Variants in CDK11A observed in about 807,000 individuals in gnomAD.
The protein encoded by CDK11A is cyclin-dependent kinase 11A.
CDK11A carries 55 observed loss-of-function variants against 83.6 expected under a neutral mutation model. The observed-to-expected ratio is 0.66, with a 90% CI of 0.53 to 0.82. CDK11A has a LOEUF of 0.82. Ranked by LOEUF, CDK11A falls within the 40% of genes least tolerant of loss-of-function variation. The pLI is 0.00. For synonymous variants in CDK11A, 247 were observed against 302.7 expected (o/e 0.82, Z 1.91); for missense variants, 564 against 810.1 (o/e 0.70, Z 3.69).
In CDK11A at chr1:1,707,474, C is replaced by A. The variant is rs770045003; in HGVS notation, c.1180G>T (p.Asp394Tyr). The A allele has an allele frequency of 3.1e-6, 5 of 1,607,176 alleles. No individual in the cohort carries two copies. The highest frequency in any genetic ancestry group is 4.3e-6 in the Non-Finnish European group (5 of 1,175,754). The part of the protein sequence containing the change: ...SALTEGDYVP[D>Y]SPALLPIELK... Reference sequence around the variant, plus strand: ...TCGATGGGCAACAGGGCAGGGGAGTCGGGCACATAGTCGCCCTCTGTCAGG... The same window carrying A: ...TCGATGGGCAACAGGGCAGGGGAGTAGGGCACATAGTCGCCCTCTGTCAGG... Residue 394 changes from aspartate to tyrosine, a missense_variant, in exon 11 of 20, where the codon GAC becomes TAC. Transcript: ENST00000404249.
At chr1:1,719,766 G>A (rs1479618302) in intron 3 of CDK11A, among the ~76,000 whole-genome samples, 3 of 149,710 alleles carry the variant, frequency 2.0e-5, no homozygotes, top group Admixed American at 6.7e-5. Flanking sequence ...ACAGGCACCC[G>A]CCACCACACC....
intron 3 of CDK11A, 127 bp downstream of exon 3, chr1:1,721,469 G>A (rs1644904139): frequency 1.9e-6 from 2 of 1,080,346 alleles, no homozygotes; most frequent in African/African-American, 1.6e-5. Context: ...GCCCTGTCAC[G>A]GTAACTCTAG....
chr1:1,714,889 A>G (rs1644580834), intron 5 of CDK11A, among the ~76,000 whole-genome samples: 1 of 148,710 alleles, frequency 6.7e-6, no homozygotes, highest in South Asian at 2.1e-4. Context: ...GCGGGATCAC[A>G]GCTGCTCCCA....
Position 1,704,969 on chromosome 1 carries a change from T to A in CDK11A, c.1393A>T (p.Ile465Phe). Residue 465 changes from isoleucine to phenylalanine, a missense_variant, in exon 13 of 20, where the codon ATC (isoleucine) becomes TTC (phenylalanine). By Grantham distance (21) the Ile-to-Phe change is conservative. Transcript: ENST00000404249. ...GTGTTGATCTCCCTCAGGGACGTGA[T>A]CGGGAAGCCCTCCTTCTCCTTCTCC... ...KMEKEKEGFPITSLREINTIL... is the reference protein window; with the variant it reads ...KMEKEKEGFPFTSLREINTIL... 2.5e-6 allele frequency: 4 copies of A among 1,598,352 alleles called. No homozygotes were observed. The highest frequency in any genetic ancestry group is 2.3e-5 in the East Asian group (1 of 44,414).
rs773764705 is a variant in CDK11A, at chr1:1,704,299, T to C, written c.1610A>G (p.His537Arg). The C allele has an allele frequency of 6.2e-7, 1 of 1,607,304 alleles. No homozygotes were observed. Among genetic ancestry groups the C allele is most frequent in the Admixed American group, 1.7e-5 (1 of 59,702 alleles). The change falls in exon 15 of 20, where the codon CAC (histidine) becomes CGC (arginine). Residue 537 changes from histidine (H) to arginine (R), a missense_variant. By Grantham distance (29) the His-to-Arg change is conservative. This residue lies in a region of CDK11A where 361 missense variants were observed against 402.7 expected (regional missense o/e 0.90). Transcript: ENST00000404249. ...LMIQLLRGVKHLHDNWILHRD... is the reference protein window; with the variant it reads ...LMIQLLRGVKRLHDNWILHRD... ...GTGCAGGATCCAGTTGTCGTGCAGGTGTTTCACCCCCCGCAGCAGCTGGAT... is the reference window on the plus strand; with the variant it reads ...GTGCAGGATCCAGTTGTCGTGCAGGCGTTTCACCCCCCGCAGCAGCTGGAT...
intron 6 of CDK11A, among the ~76,000 whole-genome samples, chr1:1,710,732 G>A (rs1443038652): frequency 2.0e-5 from 3 of 149,500 alleles, no homozygotes; most frequent in Admixed American, 6.8e-5. Flanking sequence ...AGGAAGATGT[G>A]GAGAAAGTCA....
In CDK11A at chr1:1,721,671, C is replaced by T. The variant is rs188565066; in HGVS notation, c.152G>A (p.Gly51Glu). The T allele has an allele frequency of 5.7e-5, 91 of 1,599,140 alleles. 2 individuals carry two copies. In the East Asian group the frequency reaches 2.0e-3, roughly 35 times the overall value. ...RDSKRDSLEE[G>E]ELRDHCMEIT... is the part of the protein sequence containing the mutation. ...CTCCATGCAGTGATCTCTCAGCTCC[C>T]CCTCCTCAAGGGAATCCCGCTTGGA... The change falls in exon 3 of 20, where the codon GGG becomes GAG. Residue 51 changes from glycine (G) to glutamate (E), a missense_variant. Transcript: ENST00000404249.
At chr1:1,705,942 G>C (rs1439955027) in intron 11 of CDK11A, among the ~76,000 whole-genome samples, 2 of 147,478 alleles carry the variant, frequency 1.4e-5, no homozygotes, top group African/African-American at 5.1e-5. Flanking sequence ...CAAAACCAGT[G>C]TGAACAAAAG....
In CDK11A at chr1:1,703,866, G is replaced by A; in HGVS notation, c.1869C>T (p.Phe623=). 1 of 1,609,794 alleles carries A rather than the reference G, an allele frequency of 6.2e-7. No homozygotes were observed. ...FGELLTQKPL[F]PGNSEIDQIN... ...TCTGATCGATTTCCGAATTCCCGGG[G>A]AACAGAGGCTTCTGAGTCAGCAGCT... Residue 623 remains phenylalanine, a synonymous_variant, in exon 17 of 20, where the codon TTC becomes TTT. Transcript: ENST00000404249.
At chr1:1,714,831 A>C (rs1644578209) in intron 5 of CDK11A, among the ~76,000 whole-genome samples, 1 of 142,908 alleles carries the variant, frequency 7.0e-6, no homozygotes, top group Middle Eastern at 3.7e-3. Context: ...GGCTGGTCAC[A>C]AGTGGGTGGC....
intron 1 of CDK11A, 86 bp from the exon 2 acceptor site, chr1:1,722,917 T>C: frequency 2.0e-6 from 1 of 492,300 alleles, no homozygotes; most frequent in Non-Finnish European, 3.3e-6. Flanking sequence ...TTTGAGGGAT[T>C]CAGAATAAAT....
intron 4 of CDK11A, among the ~76,000 whole-genome samples, chr1:1,718,636 TTC>T (rs1491130876): frequency 4.9e-5 from 3 of 60,898 alleles, no homozygotes; most frequent in Admixed American, 2.6e-4. Context: ...AGCTAGAGTA[TTC>T]TTTTTTTTTT....
At position 1,721,785 on chromosome 1, in the gene CDK11A, G is replaced by T. The variant is rs1206896963; in HGVS notation, c.112-74C>A. The stretch of plus-strand genomic sequence containing the variant: ...CTTCATAGATAAAAGTATTTTTAAT[G>T]ATAATCAAACCTGGGCAACATCCCA... On this transcript the variant is annotated intron_variant, in intron 2 of 19. Transcript: ENST00000404249. 20 of 1,415,518 alleles carry T rather than the reference G, an allele frequency of 1.4e-5. 1 individual carries two copies. The highest frequency in any genetic ancestry group is 1.8e-5 in the Non-Finnish European group (19 of 1,042,124). The allele number at this position is 1,415,518 out of a possible 1,614,324, so 87.7% of individuals were successfully genotyped here. A position where few individuals can be genotyped will look rare whatever the true frequency, so the allele number is the denominator to read the frequency against.
intron 4 of CDK11A, among the ~76,000 whole-genome samples, chr1:1,716,879 A>G (rs1424648715): frequency 8.4e-6 from 1 of 118,832 alleles, no homozygotes; most frequent in African/African-American, 3.4e-5. Context: ...TTAAATCAAG[A>G]ACATTAAATA....
In CDK11A at chr1:1,721,684, A is replaced by T. The variant is rs1644912221; in HGVS notation, c.139T>A (p.Ser47Thr). ...NSDDRDSKRD[S>T]LEEGELRDHC... ...TCTCTCAGCTCCCCCTCCTCAAGGG[A>T]ATCCCGCTTGGAATCCCGGTCATCA... The change falls in exon 3 of 20, where the codon TCC becomes ACC. Residue 47 changes from serine to threonine, a missense_variant. Transcript: ENST00000404249. 2 of 1,593,788 alleles carry T rather than the reference A, an allele frequency of 1.3e-6. No individual in the cohort carries two copies. The highest frequency in any genetic ancestry group is 1.7e-6 in the Non-Finnish European group (2 of 1,162,670).
At chr1:1,717,127 T>C (rs1251707670) in intron 4 of CDK11A, among the ~76,000 whole-genome samples, 3 of 150,278 alleles carry the variant, frequency 2.0e-5, no homozygotes, top group African/African-American at 4.9e-5. Context: ...CGTCTAATTA[T>C]GAAGAAAGAA....
Position 1,724,291 on chromosome 1 carries a change from G to C in CDK11A, c.-47C>G, listed in dbSNP as rs1365484315. On this transcript the variant is annotated 5_prime_UTR_variant, in exon 1 of 20. Transcript: ENST00000404249. ...GGCCGCGGCCGGTCCCTGAGCCTGA[G>C]AAGAAACAGCAACCGGCGCTCGCCA... 1 of 151,698 alleles carries C rather than the reference G, an allele frequency of 6.6e-6. No homozygotes were observed. Among genetic ancestry groups the C allele is most frequent in the Non-Finnish European group, 1.5e-5 (1 of 67,874 alleles). 9.4% of individuals were successfully genotyped at this position (151,698 alleles called of 1,614,324 possible).
chr1:1,704,172 G>T, intron 15 of CDK11A, 26 bp from the exon 16 acceptor site: 1 of 1,607,412 alleles, frequency 6.2e-7, no homozygotes, highest in Middle Eastern at 1.9e-4. Flanking sequence ...GGCGGCTGTG[G>T]GTGGGCCTGG....
At chr1:1,719,482 T>A in intron 3 of CDK11A, 27 bp from the exon 4 acceptor site, 1 of 1,414,496 alleles carries the variant, frequency 7.1e-7, no homozygotes, top group South Asian at 1.7e-5. Flanking sequence ...CAGCACTGCG[T>A]CATGCTTGAG....
Sources: gnomAD v4.1 joint callset for allele counts (sites outside exome capture counted in the v4.1 genomes callset) on GRCh38, gnomAD v4.1.1 for gene constraint, gnomAD v4.1.1 regional missense constraint, MANE v1.5 for transcripts, NCBI Gene and HGNC (gene_info 2026-07-23, HGNC 2026-07-21) for gene names.